The following VIPAS39 variants were observed in gnomAD, a reference collection of about 807,000 sequenced individuals.
VIPAS39 encodes VPS33B interacting protein, apical-basolateral polarity regulator, spe-39 homolog.
A neutral mutation model predicts 84.7 loss-of-function variants in VIPAS39; 63 were observed. The ratio of observed to expected loss-of-function variants is 0.74; its 90% confidence interval spans 0.61 to 0.92. The LOEUF (loss-of-function observed/expected upper bound fraction) is 0.92. VIPAS39 is among the 40% of genes least tolerant of loss of function. The probability of loss-of-function intolerance (pLI) is 0.00; values close to 1 mark genes in which losing one functional copy is unlikely to be tolerated. For synonymous variants in VIPAS39, 192 were observed against 216.5 expected, an observed-to-expected ratio of 0.89 and a Z score of 0.99; for missense variants, 499 against 604.5, an observed-to-expected ratio of 0.83 and a Z score of 1.83.
chr14:77,447,527 T>G (rs1037420695), intron 7 of VIPAS39, among the ~76,000 whole-genome samples: 1 of 151,996 alleles, frequency 6.6e-6, no homozygotes, highest in African/African-American at 2.4e-5. Context: ...GAAAGGATAG[T>G]TTTTTCAACA....
chr14:77,435,668 G>C (rs530106108), intron 13 of VIPAS39, among the ~76,000 whole-genome samples, 176 bp downstream of exon 13: 2 of 152,166 alleles, frequency 1.3e-5, no homozygotes, highest in Non-Finnish European at 2.9e-5. Flanking sequence ...GCTGGTAAGA[G>C]GAAAAAGGAT....
intron 12 of VIPAS39, among the ~76,000 whole-genome samples, chr14:77,436,379 A>G (rs1268569329): frequency 2.0e-5 from 3 of 152,182 alleles, no homozygotes; most frequent in Non-Finnish European, 4.4e-5. Context: ...CCATGGTGGT[A>G]TGTTTATAGA....
chr14:77,456,980 CA>C, intron 1 of VIPAS39: 1 of 868,932 alleles, frequency 1.2e-6, no homozygotes, highest in Non-Finnish European at 1.5e-6. Context: ...TGACAGCCCA[CA>C]AGGCAGGGTG....
chr14:77,452,788 A>G (rs997152855), intron 3 of VIPAS39, among the ~76,000 whole-genome samples: 2 of 108,450 alleles, frequency 1.8e-5, no homozygotes, highest in African/African-American at 7.1e-5. Flanking sequence ...TCAAAAAAAA[A>G]AAAAAAAAAA....
chr14:77,452,039 T>G (rs74869970), intron 3 of VIPAS39, among the ~76,000 whole-genome samples: 1,886 of 152,224 alleles, frequency 0.012, 41 homozygotes, highest in African/African-American at 0.043. Flanking sequence ...GATAGAAATA[T>G]AAAGAGCAAA....
chr14:77,447,183 G>A (rs775043129), intron 7 of VIPAS39, among the ~76,000 whole-genome samples: 2 of 151,672 alleles, frequency 1.3e-5, no homozygotes, highest in Admixed American at 6.6e-5. Flanking sequence ...GTGCCACCAC[G>A]CCCAGCTAAT....
At chr14:77,432,887 C>T (rs1254742915) in intron 16 of VIPAS39, among the ~76,000 whole-genome samples, 1 of 152,102 alleles carries the variant, frequency 6.6e-6, no homozygotes, top group Admixed American at 6.5e-5. Context: ...TTTAGGGGTT[C>T]TTACCACACT....
intron 15 of VIPAS39, 54 bp from the exon 16 acceptor site, chr14:77,433,985 G>A (rs1253569245): frequency 1.3e-6 from 2 of 1,552,642 alleles, no homozygotes; most frequent in East Asian, 2.2e-5. Flanking sequence ...CATCAATGGG[G>A]GTGCTTAAGA....
At chr14:77,437,508 G>C (rs2078631945) in intron 12 of VIPAS39, among the ~76,000 whole-genome samples, 1 of 152,110 alleles carries the variant, frequency 6.6e-6, no homozygotes, top group African/African-American at 2.4e-5. Flanking sequence ...CAAAGAAGAA[G>C]AGAAGAGTGA....
chr14:77,453,057 G>A (rs1251656291), intron 3 of VIPAS39, among the ~76,000 whole-genome samples: 1 of 152,138 alleles, frequency 6.6e-6, no homozygotes, highest in African/African-American at 2.4e-5. Context: ...CACCCCAAAT[G>A]AGAATGAAAT....
intron 11 of VIPAS39, among the ~76,000 whole-genome samples, chr14:77,438,342 C>T (rs2139794821): frequency 6.6e-6 from 1 of 152,098 alleles, no homozygotes; most frequent in Middle Eastern, 3.4e-3. Context: ...GATTCTCCTG[C>T]CTCAGCCTCC....
intron 1 of VIPAS39, among the ~76,000 whole-genome samples, chr14:77,454,934 A>AAACTG (rs145219850): frequency 0.03 from 4,569 of 152,290 alleles, 218 homozygotes; most frequent in African/African-American, 0.1. Context: ...ACAGTGAATG[A>AAACTG]ACAAATATTC....
At chr14:77,428,596 G>C in intron 18 of VIPAS39, 122 bp from the exon 19 acceptor site, 1 of 788,700 alleles carries the variant, frequency 1.3e-6, no homozygotes, top group Non-Finnish European at 2.2e-6. Context: ...CTGAGTAGCT[G>C]GAACTACTGG....
At chr14:77,436,898 C>T (rs77311016) in intron 12 of VIPAS39, among the ~76,000 whole-genome samples, 4,452 of 152,240 alleles carry the variant, frequency 0.029, 212 homozygotes, top group African/African-American at 0.1. Flanking sequence ...ACTCTGCTCA[C>T]TCCAGGAAGA....
At chr14:77,437,650 G>C (rs1228095552) in intron 12 of VIPAS39, among the ~76,000 whole-genome samples, 158 bp downstream of exon 12, 1 of 152,082 alleles carries the variant, frequency 6.6e-6, no homozygotes, top group African/African-American at 2.4e-5. Context: ...CTGGGGACTA[G>C]TGTGTGAACA....
intron 12 of VIPAS39, 47 bp from the exon 13 acceptor site, chr14:77,435,966 A>C: frequency 6.2e-7 from 1 of 1,601,184 alleles, no homozygotes; most frequent in African/African-American, 1.3e-5. Context: ...TCAAACAAGG[A>C]AACAAACCCA....
Position 77,447,072 on chromosome 14 carries a change from G to A in VIPAS39, c.504+1422C>T, listed in dbSNP as rs186693057. On this transcript the variant is annotated intron_variant, in intron 7 of 19. Coordinates refer to ENST00000557658, the MANE Select transcript of VIPAS39 (RefSeq NM_001193315.2). ...TTTTTTTTTTTTAAGATGGAGTTCC[G>A]CTCTTGTTGCCCAGGCTGGAGTGCA... Among the ~76,000 whole-genome samples, 705 of 145,912 alleles carry A rather than the reference G, an allele frequency of 4.8e-3. 4 individuals are homozygous for A. Among genetic ancestry groups the A allele is most frequent in the African/African-American group, 0.017 (660 of 39,660 alleles).
intron 19 of VIPAS39, 116 bp from the exon 20 acceptor site, chr14:77,427,752 T>C (rs1399066244): frequency 2.2e-6 from 3 of 1,379,060 alleles, no homozygotes; most frequent in Non-Finnish European, 3.1e-6. Context: ...AAAGAAAAAG[T>C]AGAATCAGAT....
chr14:77,446,117 A>G (rs1454074632), intron 7 of VIPAS39, among the ~76,000 whole-genome samples: 1 of 151,884 alleles, frequency 6.6e-6, no homozygotes, highest in Non-Finnish European at 1.5e-5. Flanking sequence ...TTTTTCATTT[A>G]TGGTTCATGC....
Sources: gnomAD v4.1 joint callset for allele counts (sites outside exome capture counted in the v4.1 genomes callset) on GRCh38, gnomAD v4.1.1 for gene constraint, MANE v1.5 for transcripts, NCBI Gene and HGNC (gene_info 2026-07-23, HGNC 2026-07-21) for gene names.